The following ATP13A4 variants were observed in gnomAD, a reference collection of about 807,000 sequenced individuals.
ATP13A4 encodes the protein ATPase 13A4, also known as probable cation-transporting ATPase 13A4.
Under a neutral mutation model 142.5 loss-of-function variants are expected in ATP13A4, and 114 were observed. The observed-to-expected ratio is 0.80, with a 90% confidence interval of 0.69 to 0.93. The LOEUF is 0.93. Among genes scored for constraint, ATP13A4 ranks in the 40% least tolerant of loss-of-function variants. The probability of loss-of-function intolerance (pLI) is 0.00; values close to 1 mark genes in which losing one functional copy is unlikely to be tolerated. For missense variants in ATP13A4, 1,392 were observed against 1,454.0 expected (o/e 0.96, Z 0.69); for synonymous variants, 488 against 514.8 (o/e 0.95, Z 0.70).
At chr3:193,516,156 A>T (rs1306818689) in intron 1 of ATP13A4, among the ~76,000 whole-genome samples, 4 of 152,226 alleles carry the variant, frequency 2.6e-5, no homozygotes, top group Admixed American at 2.6e-4. Context: ...ATTGTCTCTT[A>T]GGATAACAAG....
chr3:193,457,611 TTCCGCC>T, intron 14 of ATP13A4, 146 bp from the exon 15 acceptor site: 1 of 754,184 alleles, frequency 1.3e-6, no homozygotes, highest in African/African-American at 1.7e-5. Context: ...ACCAGATTTA[TTCCGCC>T]ACAGAAAAAA....
At chr3:193,512,362 C>T (rs768513067) in intron 2 of ATP13A4, among the ~76,000 whole-genome samples, 1 of 152,154 alleles carries the variant, frequency 6.6e-6, no homozygotes, top group Non-Finnish European at 1.5e-5. Flanking sequence ...TAGAAAGGCA[C>T]TCAGGCTATG....
At position 193,474,666 on chromosome 3, in the gene ATP13A4, AGAAAAAGAAAG is replaced by A. The variant is rs1428011179; in HGVS notation, c.809-3684_809-3674del. On this transcript the variant is annotated intron_variant, in intron 8 of 29. Coordinates refer to ENST00000342695, the MANE Select transcript of ATP13A4 (RefSeq NM_032279.4). Reference sequence around the variant, plus strand: ...AAGAAAGGAAGAAAGAAAGAAAGAAAGAAAAAGAAAGAAAAAAGAAAGAAAAAGAAAAAAGG... The same window carrying A: ...AAGAAAGGAAGAAAGAAAGAAAGAAAAAAAAAGAAAGAAAAAGAAAAAAGG... 5.5e-3 allele frequency among the ~76,000 whole-genome samples: 828 copies of A among 149,848 alleles called. 13 individuals carry two copies. In the East Asian group the frequency reaches 0.076, roughly 14 times the overall value.
chr3:193,437,061 G>A (rs762087410), intron 23 of ATP13A4, among the ~76,000 whole-genome samples: 9 of 140,248 alleles, frequency 6.4e-5, no homozygotes, highest in Admixed American at 2.2e-4. Flanking sequence ...CCGAGATCCC[G>A]CCACTGCACT....
At chr3:193,429,157 C>T (rs1439601400) in intron 25 of ATP13A4, among the ~76,000 whole-genome samples, 1 of 151,944 alleles carries the variant, frequency 6.6e-6, no homozygotes, top group Non-Finnish European at 1.5e-5. Flanking sequence ...CATTAAATAA[C>T]AAGAGCTGAT....
chr3:193,540,556 C>T (rs1250642349), intron 1 of ATP13A4, among the ~76,000 whole-genome samples: 1 of 136,236 alleles, frequency 7.3e-6, no homozygotes, highest in African/African-American at 2.8e-5. Flanking sequence ...AAAAAAAAAC[C>T]CTTCTAGCTT....
Position 193,402,499 on chromosome 3 carries a change from T to A in ATP13A4, c.*153A>T. ...TCAATGTTCTTCTCTGTAGACAGTA[T>A]TTTATCAAACAGACTTTAGTTTGTC... On this transcript the variant is annotated 3_prime_UTR_variant, in exon 30 of 30. Coordinates refer to ENST00000342695, the MANE Select transcript of ATP13A4 (RefSeq NM_032279.4). 1.6e-6 allele frequency: 1 copy of A among 636,084 alleles called. No individual in the cohort carries two copies. The highest frequency in any genetic ancestry group is 2.8e-6 in the Non-Finnish European group (1 of 354,736). The allele number at this position is 636,084 out of a possible 1,614,324, so 39.4% of individuals were successfully genotyped here.
chr3:193,590,862 A>T (rs930870095), intron 1 of ATP13A4, among the ~76,000 whole-genome samples: 2 of 152,222 alleles, frequency 1.3e-5, no homozygotes, highest in Non-Finnish European at 2.9e-5. Context: ...TGATGTGTTC[A>T]ATTTCAGAAA....
rs181026186 is a variant in ATP13A4, at chr3:193,483,504, A to C, written c.808+432T>G. On this transcript the variant is annotated intron_variant, in intron 8 of 29. Transcript: ENST00000342695. ...TTTTGAGATGGAGTCTCGCTCTGTCACCCAGGCTGGAGTACAGTGGCGCGA... is the reference window on the plus strand; with the variant it reads ...TTTTGAGATGGAGTCTCGCTCTGTCCCCCAGGCTGGAGTACAGTGGCGCGA... Among the ~76,000 whole-genome samples, 894 of 152,224 alleles carry C rather than the reference A, an allele frequency of 5.9e-3. 5 individuals are homozygous for C. Among genetic ancestry groups the C allele is most frequent in the Non-Finnish European group, 9.5e-3 (647 of 67,998 alleles).
chr3:193,496,815 T>C (rs1193904269), intron 3 of ATP13A4, among the ~76,000 whole-genome samples: 1 of 149,838 alleles, frequency 6.7e-6, no homozygotes, highest in East Asian at 1.9e-4. Context: ...AATAAATAAA[T>C]AAATAAATAA....
intron 2 of ATP13A4, among the ~76,000 whole-genome samples, chr3:193,575,868 A>T (rs1213557436): frequency 6.6e-6 from 1 of 152,150 alleles, no homozygotes; most frequent in Non-Finnish European, 1.5e-5. Context: ...CCTAAACTGA[A>T]TTAATTTAGA....
Position 193,438,999 on chromosome 3 carries a change from CCACA to C in ATP13A4, c.2562+20_2562+23del, listed in dbSNP as rs776738773. 1.3e-6 allele frequency: 2 copies of C among 1,592,758 alleles called. No individual in the cohort carries two copies. The highest frequency in any genetic ancestry group is 1.7e-6 in the Non-Finnish European group (2 of 1,160,586). ...AGTGTAATCGAATGTGAGATTATGG[CCACA>C]CAAACTGGTAGCTACTTACCCCACA... On this transcript the variant is annotated intron_variant, in intron 22 of 29. Coordinates refer to ENST00000342695, the MANE Select transcript of ATP13A4 (RefSeq NM_032279.4).
chr3:193,531,289 AGGGAGGG>A (rs1722303878), intron 1 of ATP13A4, among the ~76,000 whole-genome samples: 1 of 73,236 alleles, frequency 1.4e-5, no homozygotes, highest in African/African-American at 5.0e-5. Flanking sequence ...GGAGGGAGGG[AGGGAGGG>A]AGGAAGGAAG....
At position 193,520,732 on chromosome 3, in the gene ATP13A4, A is replaced by G. The variant is rs76812849; in HGVS notation, c.61-5861T>C. 5.9e-5 allele frequency among the ~76,000 whole-genome samples: 9 copies of G among 152,352 alleles called. No homozygotes were observed. In the East Asian group the frequency reaches 1.7e-3, roughly 29 times the overall value. ...TTAAAAATAAAAAATAATAATCTCC[A>G]ACAATGACTACTGGCATGCAGCTGA... On this transcript the variant is annotated intron_variant, in intron 1 of 29. Coordinates refer to ENST00000342695, the MANE Select transcript of ATP13A4 (RefSeq NM_032279.4).
chr3:193,433,793 G>A, intron 25 of ATP13A4, 52 bp downstream of exon 25: 1 of 1,332,076 alleles, frequency 7.5e-7, no homozygotes. Context: ...CAAGGCAGAG[G>A]GAGGGCAGCT....
chr3:193,441,574 G>C lies in ATP13A4; in HGVS notation c.2331C>G (p.Asn777Lys), dbSNP rs1716644610. The C allele has an allele frequency of 6.2e-7, 1 of 1,613,290 alleles. No homozygotes were observed. Among genetic ancestry groups the C allele is most frequent in the Middle Eastern group, 1.7e-4 (1 of 6,058 alleles). Reference protein sequence around the residue: ...IMYGNQDNYINIRDEVSDKGR... With the variant: ...IMYGNQDNYIKIRDEVSDKGR... ...CTTTATCAGAGACTTCATCCCTGAT[G>C]TTAATGTAATTGTCCTACAAAGCAA... Residue 777 changes from asparagine (N) to lysine (K), a missense_variant, in exon 20 of 30, where the codon AAC becomes AAG. By Grantham distance (94) the Asn-to-Lys change is moderately conservative (BLOSUM62 0). Coordinates refer to ENST00000342695, the MANE Select transcript of ATP13A4 (RefSeq NM_032279.4).
intron 1 of ATP13A4, among the ~76,000 whole-genome samples, chr3:193,529,799 A>C (rs1722218269): frequency 2.0e-5 from 3 of 152,194 alleles, no homozygotes; most frequent in African/African-American, 7.2e-5. Flanking sequence ...CATTCTAATA[A>C]AAATTTAGTT....
chr3:193,437,779 G>A (rs150621758), intron 23 of ATP13A4, among the ~76,000 whole-genome samples: 76 of 151,868 alleles, frequency 5.0e-4, no homozygotes, highest in African/African-American at 1.7e-3. Context: ...AGGGTGGTGG[G>A]GGACATCAAA....
At chr3:193,421,248 G>C (rs1715386910) in intron 25 of ATP13A4, among the ~76,000 whole-genome samples, 1 of 149,806 alleles carries the variant, frequency 6.7e-6, no homozygotes, top group Non-Finnish European at 1.5e-5. Context: ...CAGGACGGGA[G>C]AGAGTGAGAT....
Sources: allele counts gnomAD v4.1 joint callset (sites outside exome capture counted in the v4.1 genomes callset), GRCh38; gene constraint gnomAD v4.1.1; transcripts MANE v1.5; gene names NCBI Gene and HGNC (gene_info 2026-07-23, HGNC 2026-07-21).